The following LOC400499 variants were observed in gnomAD, a reference collection of about 807,000 sequenced individuals.
the LOC400499 span, among the ~76,000 whole-genome samples, chr16:11,459,645 A>G: frequency 0.023 from 3,541 of 152,292 alleles, 144 homozygotes; most frequent in African/African-American, 0.081. Context: ...TCTTTCAAAA[A>G]TGCATTTTTA....
At chr16:11,467,547 G>C in the LOC400499 span, among the ~76,000 whole-genome samples, 1 of 152,094 alleles carries the variant, frequency 6.6e-6, no homozygotes, top group African/African-American at 2.4e-5. Flanking sequence ...AGGAGGTCAA[G>C]GCTGCAGTGA....
chr16:11,507,090 G>A, the LOC400499 span, among the ~76,000 whole-genome samples: 2 of 147,776 alleles, frequency 1.4e-5, no homozygotes, highest in Non-Finnish European at 3.0e-5. Flanking sequence ...CACAGCCCTT[G>A]CCCTGAGCCA....
chr16:11,439,714 A>G, the LOC400499 span: 2 of 394,502 alleles, frequency 5.1e-6, no homozygotes, highest in Non-Finnish European at 8.9e-6. Context: ...TCCTCCCTTA[A>G]TATTCCTCAG....
the LOC400499 span, chr16:11,384,232 AGCTCCTCCAGGCTGC>A: frequency 8.1e-6 from 10 of 1,232,050 alleles, no homozygotes; most frequent in Non-Finnish European, 9.1e-6. Flanking sequence ...GGCCAGGCTG[AGCTCCTCCAGGCTGC>A]GGGCCATAGA....
At chr16:11,509,685 G>T in the LOC400499 span, among the ~76,000 whole-genome samples, 4 of 151,834 alleles carry the variant, frequency 2.6e-5, no homozygotes, top group Non-Finnish European at 5.9e-5. Flanking sequence ...CCAAAAATTA[G>T]CTGGGCGTGG....
chr16:11,404,905 A>G, the LOC400499 span: 1 of 398,792 alleles, frequency 2.5e-6, no homozygotes, highest in East Asian at 3.6e-5. Flanking sequence ...AACCCGACCC[A>G]TGCTTCTGCC....
the LOC400499 span, among the ~76,000 whole-genome samples, chr16:11,527,428 C>T: frequency 6.6e-6 from 1 of 151,930 alleles, no homozygotes; most frequent in Non-Finnish European, 1.5e-5. Context: ...GAAAAAAAGC[C>T]TAGAGGGGAA....
chr16:11,372,095 A>G, the LOC400499 span: 1 of 152,226 alleles, frequency 6.6e-6, no homozygotes, highest in Middle Eastern at 3.2e-3. Flanking sequence ...AACACTTCCA[A>G]TGATGTAGCC....
At chr16:11,448,954 G>C in the LOC400499 span, 1 of 1,502,362 alleles carries the variant, frequency 6.7e-7, no homozygotes, top group Non-Finnish European at 8.9e-7. Flanking sequence ...GTTAGGTTCA[G>C]CTCCTGCTGG....
the LOC400499 span, among the ~76,000 whole-genome samples, chr16:11,438,870 A>G: frequency 6.6e-6 from 1 of 151,710 alleles, no homozygotes; most frequent in Non-Finnish European, 1.5e-5. Context: ...TGAATCAGAA[A>G]GACAGCTTGG....
the LOC400499 span, among the ~76,000 whole-genome samples, chr16:11,413,393 G>C: frequency 6.6e-6 from 1 of 152,282 alleles, no homozygotes; most frequent in Non-Finnish European, 1.5e-5. Flanking sequence ...AGAGTGGACT[G>C]GGGCAGGGGT....
At chr16:11,445,192 G>A in the LOC400499 span, among the ~76,000 whole-genome samples, 28 of 152,050 alleles carry the variant, frequency 1.8e-4, no homozygotes, top group African/African-American at 6.0e-4. Flanking sequence ...AGGCCAAGGC[G>A]GGCAGATCAC....
At chr16:11,500,531 A>ATAATAATAATAATAATAG in the LOC400499 span, among the ~76,000 whole-genome samples, 1 of 150,702 alleles carries the variant, frequency 6.6e-6, no homozygotes. Context: ...AATAATAATA[A>ATAATAATAATAATAATAG]TAATAATCAG....
the LOC400499 span, chr16:11,462,024 G>A: frequency 3.6e-6 from 4 of 1,121,066 alleles, no homozygotes; most frequent in South Asian, 4.0e-5. Context: ...ATTAAGAGAA[G>A]CTGCAGTGAT....
the LOC400499 span, among the ~76,000 whole-genome samples, chr16:11,416,496 T>C: frequency 1.3e-5 from 2 of 152,174 alleles, no homozygotes; most frequent in African/African-American, 4.8e-5. Flanking sequence ...CATAGGCTCG[T>C]TCATGCACCC....
chr16:11,499,402 A>G, the LOC400499 span, among the ~76,000 whole-genome samples: 10 of 151,850 alleles, frequency 6.6e-5, 1 homozygote, highest in South Asian at 2.1e-3. Flanking sequence ...GGCTAAGCCC[A>G]GGGCAGGTCT....
At chr16:11,451,575 CAAACA>C in the LOC400499 span, among the ~76,000 whole-genome samples, 1 of 99,906 alleles carries the variant, frequency 1.0e-5, no homozygotes, top group Non-Finnish European at 2.3e-5. Context: ...AACAAACAAA[CAAACA>C]AAAAACCAAA....
At chr16:11,444,120 T>A in the LOC400499 span, among the ~76,000 whole-genome samples, 1 of 152,120 alleles carries the variant, frequency 6.6e-6, no homozygotes. Context: ...GGATTACATG[T>A]GTGAGCCACC....
At chr16:11,398,762 C>T in the LOC400499 span, among the ~76,000 whole-genome samples, 1 of 151,910 alleles carries the variant, frequency 6.6e-6, no homozygotes, top group African/African-American at 2.4e-5. Context: ...CAGGTTCAAG[C>T]GATTCTCCCA....
Sources: gnomAD v4.1 joint callset for allele counts (sites outside exome capture counted in the v4.1 genomes callset) on GRCh38, gnomAD v4.1.1 for gene constraint, MANE v1.5 for transcripts.